The following DSP variants were observed in gnomAD, a reference collection of about 807,000 sequenced individuals.
The protein encoded by DSP is 250/210 kDa paraneoplastic pemphigus antigen.
DSP carries 114 observed loss-of-function variants against 290.6 expected under a neutral mutation model. The observed-to-expected ratio is 0.39, with a 90% CI of 0.34 to 0.46. DSP has a LOEUF of 0.46. Among genes scored for constraint, DSP ranks in the 20% least tolerant of loss-of-function variants. The probability of loss-of-function intolerance (pLI) is 0.99; values close to 1 mark genes in which losing one functional copy is unlikely to be tolerated. For missense variants in DSP, 3,230 were observed against 3,495.8 expected (o/e 0.92, Z 1.92); for synonymous variants, 1,311 against 1,316.4 (o/e 1.00, Z 0.09).
chr6:7,568,527 C>T lies in DSP; in HGVS notation c.1357C>T (p.Pro453Ser), dbSNP rs1554106845. The T allele has an allele frequency of 6.2e-7, 1 of 1,614,048 alleles. No homozygotes were observed. The highest frequency in any genetic ancestry group is 1.1e-5 in the South Asian group (1 of 91,064). ...GATTGTACAGCTGAAGCCTCGTAAC[C>T]CAGACTACAGAAGCAATAAACCCAT... ...KKIVQLKPRN[P>S]DYRSNKPIIL... is the part of the protein sequence containing the mutation. Residue 453 changes from proline to serine, a missense_variant, in exon 11 of 24, where the codon CCA becomes TCA. Physicochemically the swap from Pro to Ser is moderately conservative, Grantham distance 74. Around this residue, in one of 5 missense-constraint regions of DSP, gnomAD observed 646 missense variants for 684.3 expected, o/e 0.94. Coordinates refer to ENST00000379802, the MANE Select transcript of DSP (RefSeq NM_004415.4).
At position 7,541,931 on chromosome 6, in the gene DSP, G is replaced by A; in HGVS notation, c.16G>A (p.Gly6Ser). 3.7e-6 allele frequency: 6 copies of A among 1,609,352 alleles called. No individual in the cohort carries two copies. In the South Asian group the frequency reaches 5.5e-5, roughly 15 times the overall value. MSCNGGSHPRINTLGR... is the reference protein window; with the variant it reads MSCNGSSHPRINTLGR... ...GCCCGCCGACATGAGCTGCAACGGA[G>A]GCTCCCACCCGCGGATCAACACTCT... Residue 6 changes from glycine (G) to serine (S), a missense_variant, in exon 1 of 24, where the codon GGC becomes AGC. This residue lies in a region of DSP where 646 missense variants were observed against 684.3 expected (regional missense o/e 0.94). Coordinates refer to ENST00000379802, the MANE Select transcript of DSP (RefSeq NM_004415.4).
chr6:7,585,455 C>T lies in DSP; in HGVS notation c.8193C>T (p.Tyr2731=). Residue 2731 remains tyrosine, a synonymous_variant, in exon 24 of 24, where the codon TAC becomes TAT. Transcript: ENST00000379802. The part of the protein sequence containing the change: ...EAGQRFLEFQ[Y]LTGGLVDPEV... ...GCCAGCGCTTCCTGGAGTTCCAGTA[C>T]CTCACGGGAGGTCTTGTTGACCCGG... 1.2e-6 allele frequency: 2 copies of T among 1,614,134 alleles called. No individual in the cohort carries two copies. The highest frequency in any genetic ancestry group is 1.1e-5 in the South Asian group (1 of 91,084).
chr6:7,581,622 AT>A (rs1399487374), intron 23 of DSP, 53 bp downstream of exon 23: 2 of 1,604,278 alleles, frequency 1.2e-6, no homozygotes. Context: ...TATTCATCAC[AT>A]TATTATCTCA....
At position 7,580,179 on chromosome 6, in the gene DSP, T is replaced by C; in HGVS notation, c.3989T>C (p.Leu1330Pro). ...GACAAAAATAAGGAGATCGAGAGAC[T>C]CAAAGCTGAGTTTCAGGAGGAGGCC... is the stretch of plus-strand genomic sequence containing the variant. ...IQDKNKEIER[L>P]KAEFQEEAKR... The change falls in exon 23 of 24, where the codon CTC becomes CCC. Residue 1330 changes from leucine to proline, a missense_variant. By Grantham distance (98) the Leu-to-Pro change is moderately conservative. This residue lies in a region of DSP where 1,714 missense variants were observed against 1,844.5 expected (regional missense o/e 0.93). Transcript: ENST00000379802. This position sits in a 1 kb window ranked among gnomAD's most constrained non-coding sequence, Gnocchi z 4.2. 2 of 1,613,908 alleles carry C rather than the reference T, an allele frequency of 1.2e-6. No homozygotes were observed. Among genetic ancestry groups the C allele is most frequent in the Non-Finnish European group, 1.7e-6 (2 of 1,179,966 alleles).
At position 7,571,617 on chromosome 6, in the gene DSP, C is replaced by T. The variant is rs1581805995; in HGVS notation, c.1903+33C>T. 6 of 1,612,316 alleles carry T rather than the reference C, an allele frequency of 3.7e-6. No homozygotes were observed. The East Asian group carries it at 1.3e-4, about 36-fold the overall frequency. ...TGGGACATCTTTCTCTTTGTATCAA[C>T]CATCCATACCATTTTAAAAAGAAGG... is the stretch of plus-strand genomic sequence containing the variant. On this transcript the variant is annotated intron_variant, in intron 14 of 23. Coordinates refer to ENST00000379802, the MANE Select transcript of DSP (RefSeq NM_004415.4).
In DSP at chr6:7,574,810, T is replaced by G; in HGVS notation, c.2436+15T>G. The stretch of plus-strand genomic sequence containing the variant: ...GTGGACTGAAGGTAACTTGAAAGCT[T>G]ATAACAGTGGCCCAACTTACAGGAA... On this transcript the variant is annotated intron_variant, in intron 17 of 23. Coordinates refer to ENST00000379802, the MANE Select transcript of DSP (RefSeq NM_004415.4). 2 of 1,614,124 alleles carry G rather than the reference T, an allele frequency of 1.2e-6. No homozygotes were observed. The highest frequency in any genetic ancestry group is 1.7e-6 in the Non-Finnish European group (2 of 1,179,994).
chr6:7,573,272 C>T (rs1252068426), intron 15 of DSP, among the ~76,000 whole-genome samples: 4 of 151,990 alleles, frequency 2.6e-5, no homozygotes, highest in Non-Finnish European at 5.9e-5. Context: ...GTACTATTTA[C>T]CTTTAAAAAA....
Position 7,579,326 on chromosome 6 carries a change from G to C in DSP, c.3136G>C (p.Asp1046His). 6 of 1,614,202 alleles carry C rather than the reference G, an allele frequency of 3.7e-6. No individual in the cohort carries two copies. The highest frequency in any genetic ancestry group is 4.2e-6 in the Non-Finnish European group (5 of 1,180,038). Reference protein sequence around the residue: ...VLEEELRLARDANSENCNKNK... With the variant: ...VLEEELRLARHANSENCNKNK... ...GGAAGAGGAGCTCAGACTGGCCCGA[G>C]ATGCCAACTCGGAAAACTGTAATAA... Residue 1046 changes from aspartate to histidine, a missense_variant, in exon 23 of 24, where the codon GAT (aspartate) becomes CAT (histidine). Physicochemically the swap from Asp to His is moderately conservative, Grantham distance 81. Coordinates refer to ENST00000379802, the MANE Select transcript of DSP (RefSeq NM_004415.4). This position sits in a 1 kb window ranked among gnomAD's most constrained non-coding sequence, Gnocchi z 4.1.
intron 1 of DSP, among the ~76,000 whole-genome samples, chr6:7,548,113 A>G (rs1581784231): frequency 6.6e-6 from 1 of 152,066 alleles, no homozygotes; most frequent in East Asian, 1.9e-4. Context: ...CTAAAAATAC[A>G]AAAATTAGCT....
rs1403281099 is a variant in DSP, at chr6:7,582,754, G to A, written c.5492G>A (p.Arg1831Lys). The A allele has an allele frequency of 6.2e-7, 1 of 1,613,844 alleles. No homozygotes were observed. Among genetic ancestry groups the A allele is most frequent in the Admixed American group, 1.7e-5 (1 of 60,006 alleles). The stretch of plus-strand genomic sequence containing the variant: ...GAGCAAGACAAGGCAAGGCTGCAGA[G>A]GCTGGAGGATGAGCTGAATCGTGCA... ...VLEQDKARLQ[R>K]LEDELNRAKS... is the part of the protein sequence containing the mutation. The change falls in exon 24 of 24, where the codon AGG (arginine) becomes AAG (lysine). Residue 1831 changes from arginine (R) to lysine (K), a missense_variant. Around this residue, in one of 5 missense-constraint regions of DSP, gnomAD observed 1,714 missense variants for 1,844.5 expected, o/e 0.93. Transcript: ENST00000379802. This position sits in a 1 kb window ranked among gnomAD's most constrained non-coding sequence, Gnocchi z 4.2.
rs1300518886 is a variant in DSP at position 7,541,877 on chromosome 6, T to C, written c.-39T>C. On this transcript the variant is annotated 5_prime_UTR_variant, in exon 1 of 24. An upstream start codon of the reference 5' UTR is lost. Transcript: ENST00000379802. The stretch of plus-strand genomic sequence containing the variant: ...TCTCCGCGCCGGCCCGCCTCGCTTA[T>C]GCCTCGGCGCTGAGCCGCTCTCCCG... The C allele has an allele frequency of 2.5e-6, 4 of 1,587,326 alleles. No individual in the cohort carries two copies. The highest frequency in any genetic ancestry group is 1.7e-5 in the Admixed American group (1 of 57,336).
chr6:7,571,333 A>C, intron 13 of DSP, 50 bp from the exon 14 acceptor site: 1 of 1,609,020 alleles, frequency 6.2e-7, no homozygotes, highest in South Asian at 1.1e-5. Flanking sequence ...TCTTGATTGC[A>C]TTGTGGGGCA....
intron 1 of DSP, among the ~76,000 whole-genome samples, chr6:7,548,743 G>A (rs1315824709): frequency 1.3e-5 from 2 of 152,190 alleles, no homozygotes; most frequent in Admixed American, 6.5e-5. Context: ...CACCATGTTT[G>A]CTCACTGCTG....
chr6:7,576,681 G>A (rs1477087105), intron 19 of DSP, among the ~76,000 whole-genome samples: 3 of 152,170 alleles, frequency 2.0e-5, no homozygotes, highest in East Asian at 3.8e-4. Flanking sequence ...TTCTCTTCAT[G>A]TTATCATAAA....
intron 17 of DSP, 117 bp from the exon 18 acceptor site, chr6:7,575,178 A>C: frequency 1.0e-6 from 1 of 987,768 alleles, no homozygotes; most frequent in Non-Finnish European, 1.5e-6. Flanking sequence ...TTAACACTTT[A>C]AATTATGAAT....
At chr6:7,577,456 G>A (rs1759273379) in intron 20 of DSP, among the ~76,000 whole-genome samples, 1 of 152,142 alleles carries the variant, frequency 6.6e-6, no homozygotes, top group Non-Finnish European at 1.5e-5. Context: ...AGCTTCCTGA[G>A]TAGCTGGGAT....
chr6:7,566,107 G>A (rs1421084779), intron 7 of DSP, among the ~76,000 whole-genome samples: 2 of 152,200 alleles, frequency 1.3e-5, no homozygotes, highest in Admixed American at 6.5e-5. Context: ...AGGAGGGTGG[G>A]TGGAAGCCTG....
rs1201005019 is a variant in DSP, at chr6:7,577,022, C to T, written c.2857C>T (p.Leu953Phe). The T allele has an allele frequency of 1.2e-6, 2 of 1,612,006 alleles. No individual in the cohort carries two copies. The highest frequency in any genetic ancestry group is 1.7e-6 in the Non-Finnish European group (2 of 1,179,132). Residue 953 changes from leucine (L) to phenylalanine (F), a missense_variant, in exon 20 of 24, where the codon CTT becomes TTT. Transcript: ENST00000379802. Reference sequence around the variant, plus strand: ...AGAGGAAGTACAAAAAATTGCTGAACTTTGCGCCAATTCAATTAAGGTATG... The same window carrying T: ...AGAGGAAGTACAAAAAATTGCTGAATTTTGCGCCAATTCAATTAAGGTATG... The part of the protein sequence containing the change: ...KSEEVQKIAE[L>F]CANSIKDYEL...
rs1759468948 is a variant in DSP at position 7,582,489 on chromosome 6, A to G, written c.5380-153A>G. Among the ~76,000 whole-genome samples the G allele has an allele frequency of 6.6e-6, 1 of 152,074 alleles. No individual in the cohort carries two copies. The highest frequency in any genetic ancestry group is 2.4e-5 in the African/African-American group (1 of 41,428). ...TTTCCCACAAATTTGTAAAATAACA[A>G]GCTCACAGTGTATCCAGGGACAATA... is the stretch of plus-strand genomic sequence containing the variant. On this transcript the variant is annotated intron_variant, in intron 23 of 23. Coordinates refer to ENST00000379802, the MANE Select transcript of DSP (RefSeq NM_004415.4). This position sits in a 1 kb window ranked among gnomAD's most constrained non-coding sequence, Gnocchi z 4.2.
Sources: gnomAD v4.1 joint callset for allele counts (sites outside exome capture counted in the v4.1 genomes callset) on GRCh38, gnomAD v4.1.1 for gene constraint, gnomAD v4.1.1 regional missense constraint, Gnocchi (gnomAD v3.1) non-coding constraint, MANE v1.5 for transcripts, NCBI Gene and HGNC (gene_info 2026-07-23, HGNC 2026-07-21) for gene names.